The following RAB2A variants were observed in gnomAD, a reference collection of about 807,000 sequenced individuals.
The protein encoded by RAB2A is ras-related protein Rab-2A.
In RAB2A, 7 loss-of-function variants were observed where a neutral mutation model predicts 32.5. The ratio of observed to expected loss-of-function variants is 0.22; its 90% CI spans 0.12 to 0.40. The LOEUF is 0.40. RAB2A is among the 10% of genes least tolerant of loss of function. RAB2A has a pLI of 1.00. For synonymous variants in RAB2A, 79 were observed against 85.2 expected (o/e 0.93, Z 0.40); for missense variants, 108 against 260.7 (o/e 0.41, Z 4.03).
At chr8:60,541,946 A>G (rs1016476697) in intron 1 of RAB2A, among the ~76,000 whole-genome samples, 1 of 152,166 alleles carries the variant, frequency 6.6e-6, no homozygotes, top group South Asian at 2.1e-4. Context: ...CTGAAACCAG[A>G]CAGTTAAATA....
intron 2 of RAB2A, among the ~76,000 whole-genome samples, chr8:60,568,163 G>A (rs75343182): frequency 0.013 from 2,053 of 152,320 alleles, 15 homozygotes; most frequent in Non-Finnish European, 0.023. Context: ...TGCTGGTAAG[G>A]AAGGCTGTTT....
intron 1 of RAB2A, among the ~76,000 whole-genome samples, chr8:60,518,596 CAAAAAAA>C (rs59503766): frequency 0.06 from 2,697 of 45,216 alleles, 21 homozygotes; most frequent in Non-Finnish European, 0.093. Context: ...GTGGAGTTTG[CAAAAAAA>C]AAAAAAAAAA....
intron 1 of RAB2A, among the ~76,000 whole-genome samples, chr8:60,520,605 A>G (rs1315412160): frequency 1.3e-5 from 2 of 152,174 alleles, no homozygotes; most frequent in Non-Finnish European, 2.9e-5. Flanking sequence ...AGTTATGTCA[A>G]AAATTTTTGT....
intron 6 of RAB2A, among the ~76,000 whole-genome samples, chr8:60,611,923 C>T (rs573972639): frequency 9.9e-5 from 15 of 152,254 alleles, no homozygotes; most frequent in Admixed American, 4.6e-4. Flanking sequence ...ATCTGCATTG[C>T]GCAGCTGTTG....
intron 2 of RAB2A, among the ~76,000 whole-genome samples, chr8:60,560,637 C>A (rs1300925632): frequency 1.3e-5 from 2 of 152,156 alleles, no homozygotes; most frequent in South Asian, 2.1e-4. Flanking sequence ...TTAAGCCCAG[C>A]GTGTCCAACC....
At chr8:60,606,853 A>G (rs887603984) in intron 6 of RAB2A, among the ~76,000 whole-genome samples, 14 of 152,230 alleles carry the variant, frequency 9.2e-5, no homozygotes, top group Admixed American at 9.2e-4. Context: ...GGCCTGACCT[A>G]CAAAACTGTT....
intron 2 of RAB2A, among the ~76,000 whole-genome samples, chr8:60,561,551 T>C (rs1232325411): frequency 6.6e-6 from 1 of 152,220 alleles, no homozygotes; most frequent in Admixed American, 6.5e-5. Flanking sequence ...ATTTCATTTT[T>C]CTCTCTCCCT....
chr8:60,549,555 A>G (rs1192621693), intron 1 of RAB2A, among the ~76,000 whole-genome samples: 2 of 150,590 alleles, frequency 1.3e-5, no homozygotes, highest in South Asian at 2.1e-4. Context: ...GCTACTTCAC[A>G]TGGAATGGCA....
At chr8:60,568,385 A>G (rs747394614) in intron 2 of RAB2A, among the ~76,000 whole-genome samples, 1 of 152,208 alleles carries the variant, frequency 6.6e-6, no homozygotes, top group African/African-American at 2.4e-5. Flanking sequence ...ATCATTAGTC[A>G]TGCGGATGGT....
chr8:60,539,772 G>A (rs991918250), intron 1 of RAB2A, among the ~76,000 whole-genome samples: 19 of 152,028 alleles, frequency 1.2e-4, no homozygotes, highest in African/African-American at 4.4e-4. Flanking sequence ...AAATCATAGG[G>A]TACAATAACA....
chr8:60,528,023 G>A (rs1807419297), intron 1 of RAB2A, among the ~76,000 whole-genome samples: 1 of 152,152 alleles, frequency 6.6e-6, no homozygotes, highest in Non-Finnish European at 1.5e-5. Flanking sequence ...GGACTCCAAA[G>A]TTCATGCTCT....
chr8:60,563,406 C>A (rs1227712352), intron 2 of RAB2A, among the ~76,000 whole-genome samples: 1 of 152,164 alleles, frequency 6.6e-6, no homozygotes, highest in South Asian at 2.1e-4. Context: ...TGTTAAAGAA[C>A]CTACTGAATC....
At chr8:60,601,389 A>T in intron 6 of RAB2A, among the ~76,000 whole-genome samples, 1 of 152,066 alleles carries the variant, frequency 6.6e-6, no homozygotes, top group South Asian at 2.1e-4. Context: ...CCAGTTGGGA[A>T]TGCATTGGCA....
intron 3 of RAB2A, among the ~76,000 whole-genome samples, chr8:60,574,273 T>C (rs1304683526): frequency 2.0e-5 from 3 of 152,260 alleles, no homozygotes; most frequent in Non-Finnish European, 4.4e-5. Context: ...CATAGCTTTT[T>C]GTTTACATTA....
intron 2 of RAB2A, among the ~76,000 whole-genome samples, chr8:60,564,268 A>G (rs1808070838): frequency 6.6e-6 from 1 of 152,224 alleles, no homozygotes; most frequent in Admixed American, 6.5e-5. Flanking sequence ...ACCTACCTGC[A>G]TTGTGCCCTA....
chr8:60,518,596 C>CAAAAAAAAAAAAAAA (rs59503766), intron 1 of RAB2A, among the ~76,000 whole-genome samples: 1 of 45,518 alleles, frequency 2.2e-5, no homozygotes, highest in Admixed American at 2.9e-4. Flanking sequence ...GTGGAGTTTG[C>CAAAAAAAAAAAAAAA]AAAAAAAAAA....
At chr8:60,589,119 G>A (rs576575854) in intron 5 of RAB2A, among the ~76,000 whole-genome samples, 1 of 152,282 alleles carries the variant, frequency 6.6e-6, no homozygotes, top group African/African-American at 2.4e-5. Flanking sequence ...ATAATAAGAG[G>A]AGAATACTTG....
chr8:60,602,777 A>G (rs1349006323), intron 6 of RAB2A, among the ~76,000 whole-genome samples: 1 of 152,224 alleles, frequency 6.6e-6, no homozygotes, highest in Non-Finnish European at 1.5e-5. Flanking sequence ...CAGCAATTAC[A>G]GTAATTATGG....
At position 60,623,292 on chromosome 8, in the gene RAB2A, T is replaced by C. The variant is rs998906201; in HGVS notation, c.*2523T>C. ...AAATAGCCTGTTAGCAGGAAAATAG[T>C]CCCTATTTATCTGCTAATGGTCAAA... On this transcript the variant is annotated 3_prime_UTR_variant, in exon 8 of 8. Transcript: ENST00000262646. The C allele has an allele frequency of 1.3e-5, 2 of 152,238 alleles. No homozygotes were observed. Among genetic ancestry groups the C allele is most frequent in the African/African-American group, 4.8e-5 (2 of 41,454 alleles). The allele number at this position is 152,238 out of a possible 1,614,324, so 9.4% of individuals were successfully genotyped here. A position where few individuals can be genotyped will look rare whatever the true frequency, so the allele number is the denominator to read the frequency against.
Sources: allele counts gnomAD v4.1 joint callset (sites outside exome capture counted in the v4.1 genomes callset), GRCh38; gene constraint gnomAD v4.1.1; transcripts MANE v1.5; gene names NCBI Gene and HGNC (gene_info 2026-07-23, HGNC 2026-07-21).